Variants in ITPR2 observed in about 807,000 individuals in gnomAD.
ITPR2 encodes inositol 1,4,5-trisphosphate receptor type 2.
A neutral mutation model predicts 317.1 loss-of-function variants in ITPR2; 207 were observed. The observed-to-expected ratio is 0.65, with a 90% CI of 0.58 to 0.73. The LOEUF is 0.73. ITPR2 is among the 30% of genes least tolerant of loss of function. The pLI is 0.00. For missense variants in ITPR2, 2,613 were observed against 3,284.0 expected (o/e 0.80, Z 4.99); for synonymous variants, 1,156 against 1,149.1 (o/e 1.01, Z -0.12).
rs372149223 is a variant in ITPR2 at position 26,477,983 on chromosome 12, T to C, written c.6124-976A>G. Among the ~76,000 whole-genome samples, 7 of 152,270 alleles carry C rather than the reference T, an allele frequency of 4.6e-5. 1 individual carries two copies. Among genetic ancestry groups the C allele is most frequent in the African/African-American group, 1.4e-4 (6 of 41,580 alleles). On this transcript the variant is annotated intron_variant, in intron 43 of 56. Transcript: ENST00000381340. ...AATCTTTGATAGAAGTACAAAAGAA[T>C]TGGAGTTAACATGGCTTTAAGATGC...
At chr12:26,775,921 A>C (rs1949953187) in intron 2 of ITPR2, among the ~76,000 whole-genome samples, 1 of 42,380 alleles carries the variant, frequency 2.4e-5, no homozygotes, top group African/African-American at 5.4e-5. Context: ...CCACTTAATA[A>C]ACTCCCCTTT....
chr12:26,804,726 A>G (rs1271044114), intron 1 of ITPR2, among the ~76,000 whole-genome samples: 2 of 151,840 alleles, frequency 1.3e-5, no homozygotes, highest in Admixed American at 1.3e-4. Flanking sequence ...ACTCTTATTT[A>G]TTTTATTTTT....
chr12:26,821,440 A>G (rs1950936289), intron 1 of ITPR2, among the ~76,000 whole-genome samples: 1 of 152,212 alleles, frequency 6.6e-6, no homozygotes, highest in South Asian at 2.1e-4. Flanking sequence ...TGCTCCATTC[A>G]AGTCATGTAA....
chr12:26,380,827 A>G (rs1292487840), intron 55 of ITPR2, among the ~76,000 whole-genome samples: 1 of 152,230 alleles, frequency 6.6e-6, no homozygotes, highest in Non-Finnish European at 1.5e-5. Context: ...TTAACTAAAC[A>G]AGACTGATTT....
chr12:26,786,479 A>G (rs1028499973), intron 2 of ITPR2, among the ~76,000 whole-genome samples: 8 of 150,990 alleles, frequency 5.3e-5, no homozygotes, highest in African/African-American at 9.8e-5. Flanking sequence ...AATGGAGAAT[A>G]TTTGATCATT....
Position 26,483,816 on chromosome 12 carries a change from C to A in ITPR2, c.5894G>T (p.Ser1965Ile). ...TLQFLDCICGSTTGGLGLLGL... is the reference protein window; with the variant it reads ...TLQFLDCICGITTGGLGLLGL... The stretch of plus-strand genomic sequence containing the variant: ...CAACAGGCCCAGGCCACCGGTTGTA[C>A]TTCCACAAATGCAGTCCAGAAACTG... The change falls in exon 42 of 57, where the codon AGT becomes ATT. Residue 1965 changes from serine to isoleucine, a missense_variant. Ser to Ile is a moderately radical substitution (Grantham distance 142, BLOSUM62 -2). Around this residue, in one of 9 missense-constraint regions of ITPR2, gnomAD observed 926 missense variants for 1,072.8 expected, o/e 0.86. Coordinates refer to ENST00000381340, the MANE Select transcript of ITPR2 (RefSeq NM_002223.4). The A allele has an allele frequency of 6.2e-7, 1 of 1,614,148 alleles. No individual in the cohort carries two copies. Among genetic ancestry groups the A allele is most frequent in the South Asian group, 1.1e-5 (1 of 91,092 alleles).
chr12:26,393,905 T>G (rs577621105), intron 54 of ITPR2, among the ~76,000 whole-genome samples: 1 of 152,304 alleles, frequency 6.6e-6, no homozygotes, highest in South Asian at 2.1e-4. Flanking sequence ...AGATTATAAG[T>G]CAGACAAGTA....
At chr12:26,795,971 G>A (rs901401953) in intron 1 of ITPR2, among the ~76,000 whole-genome samples, 7 of 133,350 alleles carry the variant, frequency 5.2e-5, no homozygotes, top group Non-Finnish European at 7.9e-5. Flanking sequence ...GCAACAGAGC[G>A]AGACTCTGTT....
At position 26,410,291 on chromosome 12, in the gene ITPR2, T is replaced by A. The variant is rs568529816; in HGVS notation, c.7399+1029A>T. On this transcript the variant is annotated intron_variant, in intron 52 of 56. Coordinates refer to ENST00000381340, the MANE Select transcript of ITPR2 (RefSeq NM_002223.4). Reference sequence around the variant, plus strand: ...AGGCGGCAGGGGAGAGAAGTGCTGGTGACGGCTGCCCACAGTGCCTATGGC... The same window carrying A: ...AGGCGGCAGGGGAGAGAAGTGCTGGAGACGGCTGCCCACAGTGCCTATGGC... 1.6e-4 allele frequency among the ~76,000 whole-genome samples: 25 copies of A among 152,284 alleles called. No individual in the cohort carries two copies. In the South Asian group the frequency reaches 3.5e-3, roughly 21 times the overall value.
intron 2 of ITPR2, among the ~76,000 whole-genome samples, chr12:26,760,330 CTAGT>C (rs1406181576): frequency 6.6e-6 from 1 of 152,148 alleles, no homozygotes; most frequent in African/African-American, 2.4e-5. Context: ...AATAAATGTG[CTAGT>C]TACTTTACAA....
intron 54 of ITPR2, among the ~76,000 whole-genome samples, chr12:26,396,242 G>C (rs1438022747): frequency 6.6e-6 from 1 of 152,084 alleles, no homozygotes; most frequent in East Asian, 1.9e-4. Context: ...AAAGGTAGGA[G>C]GAGGTATATT....
At chr12:26,665,211 G>A (rs1947597638) in intron 14 of ITPR2, among the ~76,000 whole-genome samples, 1 of 152,214 alleles carries the variant, frequency 6.6e-6, no homozygotes, top group Admixed American at 6.5e-5. Context: ...CTGATGAACA[G>A]ACTGCCCTAC....
intron 34 of ITPR2, 41 bp from the exon 35 acceptor site, chr12:26,561,993 C>T (rs1944833867): frequency 7.3e-7 from 1 of 1,375,086 alleles, no homozygotes; most frequent in African/African-American, 1.5e-5. Context: ...CTTAATTTGA[C>T]TAAAGTTTCT....
At chr12:26,768,426 AAAAAAAAAT>A (rs1949767009) in intron 2 of ITPR2, among the ~76,000 whole-genome samples, 3 of 16,806 alleles carry the variant, frequency 1.8e-4, no homozygotes, top group African/African-American at 2.5e-4. Flanking sequence ...AAAAAAAATT[AAAAAAAAAT>A]AAAAAATAAA....
chr12:26,507,863 CTGTGTGTGTG>C (rs1555144092), intron 37 of ITPR2, among the ~76,000 whole-genome samples: 2 of 132,202 alleles, frequency 1.5e-5, no homozygotes, highest in African/African-American at 5.5e-5. Context: ...CTCTCTGTCT[CTGTGTGTGTG>C]TGTGTGTGTG....
chr12:26,378,424 G>A (rs1260713513), intron 55 of ITPR2, among the ~76,000 whole-genome samples: 3 of 152,122 alleles, frequency 2.0e-5, no homozygotes, highest in South Asian at 4.1e-4. Flanking sequence ...TGTTGGCTAA[G>A]GGACGTGGGA....
chr12:26,777,108 A>T (rs960817578), intron 2 of ITPR2, among the ~76,000 whole-genome samples: 10 of 152,318 alleles, frequency 6.6e-5, no homozygotes, highest in African/African-American at 2.4e-4. Context: ...CAGCTCAGAG[A>T]GTTAAAAAAA....
At chr12:26,468,383 G>A (rs1216916776) in intron 45 of ITPR2, among the ~76,000 whole-genome samples, 2 of 152,208 alleles carry the variant, frequency 1.3e-5, no homozygotes, top group East Asian at 1.9e-4. Context: ...AAAGTTAAGA[G>A]CAGTTGAATA....
Position 26,815,890 on chromosome 12 carries a change from G to A in ITPR2, c.92+16800C>T, listed in dbSNP as rs538659132. 1.1e-4 allele frequency among the ~76,000 whole-genome samples: 16 copies of A among 151,888 alleles called. No individual in the cohort carries two copies. The South Asian group carries it at 1.7e-3, about 16-fold the overall frequency. ...AGGTGGATCACGAGGTCAGGAGATCGAGACCATCCTGGCTAACACGGTGAA... is the reference window on the plus strand; with the variant it reads ...AGGTGGATCACGAGGTCAGGAGATCAAGACCATCCTGGCTAACACGGTGAA... On this transcript the variant is annotated intron_variant, in intron 1 of 56. Transcript: ENST00000381340.
Sources: allele counts gnomAD v4.1 joint callset (sites outside exome capture counted in the v4.1 genomes callset), GRCh38; gene constraint gnomAD v4.1.1; regional missense constraint gnomAD v4.1.1; transcripts MANE v1.5; gene names NCBI Gene and HGNC (gene_info 2026-07-23, HGNC 2026-07-21).